The following MDC1 variants were observed in gnomAD, a reference collection of about 807,000 sequenced individuals.
MDC1 encodes mediator of DNA damage checkpoint 1.
In MDC1, 81 loss-of-function variants were observed where a neutral mutation model predicts 142.5. The ratio of observed to expected loss-of-function variants is 0.57; its 90% CI spans 0.47 to 0.68. The LOEUF is 0.68. Among genes scored for constraint, MDC1 ranks in the 30% least tolerant of loss-of-function variants. The pLI is 0.00. For missense variants in MDC1, 2,119 were observed against 2,547.9 expected (o/e 0.83, Z 3.62); for synonymous variants, 797 against 968.4 (o/e 0.82, Z 3.29).
chr6:30,713,256 G>A lies in MDC1; in HGVS notation c.686C>T (p.Ala229Val). The A allele has an allele frequency of 6.2e-7, 1 of 1,613,066 alleles. No homozygotes were observed. The highest frequency in any genetic ancestry group is 8.5e-7 in the Non-Finnish European group (1 of 1,180,038). ...GGCAGCTGAGGAGGCCTCCTCTGTG[G>A]CTGGTTGCTGACCTTCTTCCACATC... ...DTDVEEGQQP[A>V]TEEASSAARR... Residue 229 changes from alanine (A) to valine (V), a missense_variant, in exon 5 of 15, where the codon GCC (alanine) becomes GTC (valine). Physicochemically the swap from Ala to Val is moderately conservative, Grantham distance 64 (BLOSUM62 0). Transcript: ENST00000376406. This position sits in a 1 kb window ranked among gnomAD's most constrained non-coding sequence, Gnocchi z 4.9.
chr6:30,711,438 G>C lies in MDC1; in HGVS notation c.2195C>G (p.Pro732Arg). 4 of 1,613,116 alleles carry C rather than the reference G, an allele frequency of 2.5e-6. No individual in the cohort carries two copies. Among genetic ancestry groups the C allele is most frequent in the Non-Finnish European group, 3.4e-6 (4 of 1,180,016 alleles). Reference sequence around the variant, plus strand: ...TGTTGTCTGGAAGCTGCAATGGGAAGGGCCAAGCTCTTGGGGTGGAGTCAA... The same window carrying C: ...TGTTGTCTGGAAGCTGCAATGGGAACGGCCAAGCTCTTGGGGTGGAGTCAA... ...FMLTPPQELG[P>R]SHCSFQTTGT... Residue 732 changes from proline to arginine, a missense_variant, in exon 7 of 15, where the codon CCT (proline) becomes CGT (arginine). Physicochemically the swap from Pro to Arg is moderately radical, Grantham distance 103. Coordinates refer to ENST00000376406, the MANE Select transcript of MDC1 (RefSeq NM_014641.3).
In MDC1 at chr6:30,700,557, G is replaced by A. The variant is rs188482061; in HGVS notation, c.6178C>T (p.Leu2060Phe). ...SIPLRVGLPL[L>F]SPEFLLTGVL... ...CCAGTCAGCAGGAACTCAGGCGAGAGGAGGGGCAGCCCAACCCGTAGTGGA... is the reference window on the plus strand; with the variant it reads ...CCAGTCAGCAGGAACTCAGGCGAGAAGAGGGGCAGCCCAACCCGTAGTGGA... The change falls in exon 15 of 15, where the codon CTC becomes TTC. Residue 2060 changes from leucine (L) to phenylalanine (F), a missense_variant. By Grantham distance (22) the Leu-to-Phe change is conservative. Transcript: ENST00000376406. 4.3e-6 allele frequency: 7 copies of A among 1,612,994 alleles called. No homozygotes were observed. The Middle Eastern group carries it at 6.6e-4, about 152-fold the overall frequency.
Position 30,702,747 on chromosome 6 carries a change from C to T in MDC1, c.5991+5G>A, listed in dbSNP as rs1772983814. 6.2e-7 allele frequency: 1 copy of T among 1,612,978 alleles called. No individual in the cohort carries two copies. Among genetic ancestry groups the T allele is most frequent in the African/African-American group, 1.3e-5 (1 of 74,912 alleles). On this transcript the variant is annotated splice_donor_5th_base_variant and intron_variant, in intron 13 of 14. Coordinates refer to ENST00000376406, the MANE Select transcript of MDC1 (RefSeq NM_014641.3). ...TGAAGCACAGGTTAAAAGATAGCCT[C>T]TCACCTCTAGCAGCCTTCGCTCCCG...
In MDC1 at chr6:30,703,223, G is replaced by C; in HGVS notation, c.5746C>G (p.Leu1916Val). The change falls in exon 12 of 15, where the codon CTG (leucine) becomes GTG (valine). Residue 1916 changes from leucine (L) to valine (V), a missense_variant. Transcript: ENST00000376406. The surrounding 1 kb of genome is among the most constrained non-coding windows in gnomAD (Gnocchi z 4.4). ...ERAVLALGGS[L>V]AGSAAEASHL... ...GAAGCCTCTGCCGCTGAACCAGCCA[G>C]ACTTCCCCCCAGTGCCAGCACAGCC... 1 of 1,613,114 alleles carries C rather than the reference G, an allele frequency of 6.2e-7. No individual in the cohort carries two copies. Among genetic ancestry groups the C allele is most frequent in the South Asian group, 1.1e-5 (1 of 91,088 alleles).
At position 30,703,330 on chromosome 6, in the gene MDC1, T is replaced by C. The variant is rs766220651; in HGVS notation, c.5683-44A>G. The C allele has an allele frequency of 1.9e-6, 3 of 1,610,172 alleles. No individual in the cohort carries two copies. The South Asian group carries it at 3.3e-5, about 18-fold the overall frequency. On this transcript the variant is annotated intron_variant, in intron 11 of 14. Transcript: ENST00000376406. The surrounding 1 kb of genome is among the most constrained non-coding windows in gnomAD (Gnocchi z 4.4). ...GAGGTGGTTACGGCAACCCATGCCATCAGCACCCATCTCTACAATCCTCTA... is the reference window on the plus strand; with the variant it reads ...GAGGTGGTTACGGCAACCCATGCCACCAGCACCCATCTCTACAATCCTCTA...
In MDC1 at chr6:30,716,264, T is replaced by C. The variant is rs1474782567; in HGVS notation, c.-4+981A>G. Among the ~76,000 whole-genome samples, 4 of 151,744 alleles carry C rather than the reference T, an allele frequency of 2.6e-5. No homozygotes were observed. Among genetic ancestry groups the C allele is most frequent in the Non-Finnish European group, 5.9e-5 (4 of 67,896 alleles). On this transcript the variant is annotated intron_variant, in intron 1 of 14. Transcript: ENST00000376406. The surrounding 1 kb of genome is among the most constrained non-coding windows in gnomAD (Gnocchi z 4.4). The stretch of plus-strand genomic sequence containing the variant: ...TTTGAGATGGAATCTCGCTCTGTCG[T>C]CCAGGCTGGACTGCAGTGGTGCTAT...
At position 30,709,523 on chromosome 6, in the gene MDC1, A is replaced by G. The variant is rs1774493948; in HGVS notation, c.2222-1166T>C. Among the ~76,000 whole-genome samples, 1 of 152,260 alleles carries G rather than the reference A, an allele frequency of 6.6e-6. No homozygotes were observed. The highest frequency in any genetic ancestry group is 1.5e-5 in the Non-Finnish European group (1 of 68,050). On this transcript the variant is annotated intron_variant, in intron 7 of 14. Transcript: ENST00000376406. The surrounding 1 kb of genome is among the most constrained non-coding windows in gnomAD (Gnocchi z 4.2). The stretch of plus-strand genomic sequence containing the variant: ...TTTATCATTTCTTTGTCTTGGAAAC[A>G]TATCAAATCTCTTCTAGCTATTTTG...
rs1323207038 is a variant in MDC1 at position 30,706,081 on chromosome 6, T to G, written c.3102A>C (p.Pro1034=). 6.3e-7 allele frequency: 1 copy of G among 1,587,102 alleles called. No individual in the cohort carries two copies. Among genetic ancestry groups the G allele is most frequent in the Non-Finnish European group, 8.5e-7 (1 of 1,174,810 alleles). The change falls in exon 10 of 15, where the codon CCA becomes CCC. Residue 1034 remains proline, a synonymous_variant. Coordinates refer to ENST00000376406, the MANE Select transcript of MDC1 (RefSeq NM_014641.3). ...GTACTGTAGGAGGCAGACAAGCATCTGGAGATTCCTGATCGCCCTAGGGAG... is the reference window on the plus strand; with the variant it reads ...GTACTGTAGGAGGCAGACAAGCATCGGGAGATTCCTGATCGCCCTAGGGAG... ...EKVSRGDQES[P]DACLPPTVPE...
rs767698959 is a variant in MDC1, at chr6:30,703,477, T to C, written c.5623A>G (p.Arg1875Gly). Residue 1875 changes from arginine to glycine, a missense_variant, in exon 11 of 15, where the codon AGA becomes GGA. Arg to Gly is a moderately radical substitution (Grantham distance 125). Transcript: ENST00000376406. This position sits in a 1 kb window ranked among gnomAD's most constrained non-coding sequence, Gnocchi z 4.4. Reference sequence around the variant, plus strand: ...CGTCGGAGGCTGCGGCTTGGTATTCTGTTGGGCTCCTCCTCTGCCTGGTCT... The same window carrying C: ...CGTCGGAGGCTGCGGCTTGGTATTCCGTTGGGCTCCTCCTCTGCCTGGTCT... The part of the protein sequence containing the change: ...KRDQAEEEPN[R>G]IPSRSLRRTK... The C allele has an allele frequency of 1.9e-6, 3 of 1,613,862 alleles. No individual in the cohort carries two copies. Among genetic ancestry groups the C allele is most frequent in the Middle Eastern group, 1.6e-4 (1 of 6,084 alleles).
In MDC1 at chr6:30,703,321, C is replaced by T. The variant is rs762973124; in HGVS notation, c.5683-35G>A. The T allele has an allele frequency of 6.2e-7, 1 of 1,608,718 alleles. No homozygotes were observed. Among genetic ancestry groups the T allele is most frequent in the Non-Finnish European group, 8.5e-7 (1 of 1,176,600 alleles). ...GGTTGACCTGAGGTGGTTACGGCAA[C>T]CCATGCCATCAGCACCCATCTCTAC... is the stretch of plus-strand genomic sequence containing the variant. On this transcript the variant is annotated intron_variant, in intron 11 of 14. Transcript: ENST00000376406. This position sits in a 1 kb window ranked among gnomAD's most constrained non-coding sequence, Gnocchi z 4.4.
chr6:30,714,902 G>C, intron 2 of MDC1, 138 bp downstream of exon 2: 6 of 845,716 alleles, frequency 7.1e-6, no homozygotes, highest in Non-Finnish European at 9.1e-6. Context: ...CAACTCAATC[G>C]GCCCCATCTC....
rs1774428778 is a variant in MDC1 at position 30,709,151 on chromosome 6, C to T, written c.2222-794G>A. On this transcript the variant is annotated intron_variant, in intron 7 of 14. Transcript: ENST00000376406. The surrounding 1 kb of genome is among the most constrained non-coding windows in gnomAD (Gnocchi z 4.2). ...CTGGGCTCAGGAGATCCTCCCACCT[C>T]AGCCTCCCAAGTAGCTGGGACTACG... Among the ~76,000 whole-genome samples the T allele has an allele frequency of 6.6e-6, 1 of 152,218 alleles. No homozygotes were observed. Among genetic ancestry groups the T allele is most frequent in the Admixed American group, 6.5e-5 (1 of 15,278 alleles).
rs1489434473 is a variant in MDC1 at position 30,712,188 on chromosome 6, G to A, written c.1754C>T (p.Thr585Ile). The stretch of plus-strand genomic sequence containing the variant: ...TGCAACTACTGAGGCTGTTAGGGAG[G>A]TGCCCTCCTCTGCATCTGTTTCACA... ...GDCETDAEEG[T>I]SLTASVVADV... The change falls in exon 5 of 15, where the codon ACC becomes ATC. Residue 585 changes from threonine to isoleucine, a missense_variant. By Grantham distance (89) the Thr-to-Ile change is moderately conservative. Transcript: ENST00000376406. This position sits in a 1 kb window ranked among gnomAD's most constrained non-coding sequence, Gnocchi z 4.7. The A allele has an allele frequency of 1.9e-5, 30 of 1,612,810 alleles. No homozygotes were observed. The highest frequency in any genetic ancestry group is 2.5e-5 in the Non-Finnish European group (29 of 1,179,996).
rs1773750317 is a variant in MDC1, at chr6:30,706,088, T to A, written c.3095A>T (p.Glu1032Val). The change falls in exon 10 of 15, where the codon GAA (glutamate) becomes GTA (valine). Residue 1032 changes from glutamate to valine, a missense_variant. Physicochemically the swap from Glu to Val is moderately radical, Grantham distance 121. Transcript: ENST00000376406. ...AAEKVSRGDQ[E>V]SPDACLPPTV... ...AGGAGGCAGACAAGCATCTGGAGAT[T>A]CCTGATCGCCCTAGGGAGAAACAGA... 1.3e-6 allele frequency: 2 copies of A among 1,584,822 alleles called. No homozygotes were observed. Among genetic ancestry groups the A allele is most frequent in the African/African-American group, 2.7e-5 (2 of 73,950 alleles).
chr6:30,705,390 T>C lies in MDC1; in HGVS notation c.3793A>G (p.Thr1265Ala). 6.3e-7 allele frequency: 1 copy of C among 1,599,318 alleles called. No homozygotes were observed. Among genetic ancestry groups the C allele is most frequent in the Non-Finnish European group, 8.5e-7 (1 of 1,174,566 alleles). ...STDQPVTSEP[T>A]YQATRGRKNR... ...TTTCTTCCCCTAGTAGCCTGATATG[T>C]GGGCTCAGAAGTGACAGGCTGGTCT... The change falls in exon 10 of 15, where the codon ACA becomes GCA. Residue 1265 changes from threonine to alanine, a missense_variant. Thr to Ala is a moderately conservative substitution (Grantham distance 58). Transcript: ENST00000376406.
chr6:30,704,480 G>C lies in MDC1; in HGVS notation c.4703C>G (p.Pro1568Arg). Residue 1568 changes from proline (P) to arginine (R), a missense_variant, in exon 10 of 15, where the codon CCT becomes CGT. Transcript: ENST00000376406. The part of the protein sequence containing the change: ...GRTNRSSVKT[P>R]ESIVPIAPEL... Reference sequence around the variant, plus strand: ...AGGGGCTATAGGGACAATTGATTCAGGGGTCTTGACAGAGGACCTATTTGT... The same window carrying C: ...AGGGGCTATAGGGACAATTGATTCACGGGTCTTGACAGAGGACCTATTTGT... 3.1e-6 allele frequency: 5 copies of C among 1,613,102 alleles called. No individual in the cohort carries two copies. Among genetic ancestry groups the C allele is most frequent in the Non-Finnish European group, 4.2e-6 (5 of 1,179,686 alleles).
chr6:30,708,021 G>T lies in MDC1; in HGVS notation c.2558C>A (p.Thr853Asn), dbSNP rs1259781029. Reference sequence around the variant, plus strand: ...TTGTTCTCTGTCCTGTTTCCCCTTGGTTAATTCTTCCTCTCCTGTCACATC... The same window carrying T: ...TTGTTCTCTGTCCTGTTTCCCCTTGTTTAATTCTTCCTCTCCTGTCACATC... The part of the protein sequence containing the change: ...QTDVTGEEEL[T>N]KGKQDREQKQ... The change falls in exon 8 of 15, where the codon ACC becomes AAC. Residue 853 changes from threonine to asparagine, a missense_variant. Physicochemically the swap from Thr to Asn is moderately conservative, Grantham distance 65. Transcript: ENST00000376406. 1 of 1,612,766 alleles carries T rather than the reference G, an allele frequency of 6.2e-7. No individual in the cohort carries two copies. The highest frequency in any genetic ancestry group is 1.3e-5 in the African/African-American group (1 of 74,848).
Position 30,705,763 on chromosome 6 carries a change from C to T in MDC1, c.3420G>A (p.Lys1140=), listed in dbSNP as rs200628046. 33 of 1,612,814 alleles carry T rather than the reference C, an allele frequency of 2.0e-5. No homozygotes were observed. Among genetic ancestry groups the T allele is most frequent in the Non-Finnish European group, 2.8e-5 (33 of 1,179,426 alleles). The part of the protein sequence containing the change: ...STSTAQPVTP[K]PTSQATRSRT... ...TGCTCCTAGTGGCCTGAGATGTGGG[C>T]TTGGGAGTGACTGGCTGGGCTGTGG... The change falls in exon 10 of 15, where the codon AAG becomes AAA. Residue 1140 remains lysine (K), a synonymous_variant. Coordinates refer to ENST00000376406, the MANE Select transcript of MDC1 (RefSeq NM_014641.3).
In MDC1 at chr6:30,711,946, C is replaced by A. The variant is rs983552213; in HGVS notation, c.1996G>T (p.Ala666Ser). 1.3e-6 allele frequency: 2 copies of A among 1,560,360 alleles called. No homozygotes were observed. The highest frequency in any genetic ancestry group is 1.7e-6 in the Non-Finnish European group (2 of 1,155,998). Reference sequence around the variant, plus strand: ...CTCTCCCTTCCTGTGGGGACCTGGGCTCCCTCTCTCTGTGGCTGGGTGGAT... The same window carrying A: ...CTCTCCCTTCCTGTGGGGACCTGGGATCCCTCTCTCTGTGGCTGGGTGGAT... ...GESTQPQREG[A>S]QVPTGREREQ... is the part of the protein sequence containing the mutation. The change falls in exon 5 of 15, where the codon GCC becomes TCC. Residue 666 changes from alanine (A) to serine (S), a missense_variant. Ala to Ser is a moderately conservative substitution (Grantham distance 99). Coordinates refer to ENST00000376406, the MANE Select transcript of MDC1 (RefSeq NM_014641.3).
Sources: allele counts gnomAD v4.1 joint callset (sites outside exome capture counted in the v4.1 genomes callset), GRCh38; gene constraint gnomAD v4.1.1; non-coding constraint Gnocchi (gnomAD v3.1); transcripts MANE v1.5; gene names NCBI Gene and HGNC (gene_info 2026-07-23, HGNC 2026-07-21).